Variants in LYZL2 observed in about 807,000 individuals in gnomAD.
LYZL2 encodes lysozyme-like protein 2.
In LYZL2, 13 loss-of-function variants were observed where a neutral mutation model predicts 17.1. The ratio of observed to expected loss-of-function variants is 0.76; its 90% confidence interval spans 0.49 to 1.21. LYZL2 has a LOEUF of 1.21. Among genes scored for constraint, LYZL2 ranks in the 50% most tolerant of loss-of-function variants. LYZL2 has a pLI of 0.00. For missense variants in LYZL2, 166 were observed against 189.2 expected (o/e 0.88, Z 0.72); for synonymous variants, 63 against 74.4 (o/e 0.85, Z 0.79).
downstream of LYZL2, among the ~76,000 whole-genome samples, chr10:30,608,957 A>G (rs1216133855): frequency 6.6e-6 from 1 of 152,052 alleles, no homozygotes; most frequent in Non-Finnish European, 1.5e-5. Context: ...CTCCCACCTC[A>G]ACCTCCTGAG....
At chr10:30,615,887 GA>G (rs35234112) in intron 3 of LYZL2, among the ~76,000 whole-genome samples, 1 of 150,992 alleles carries the variant, frequency 6.6e-6, no homozygotes, top group African/African-American at 2.4e-5. Context: ...CACTGGTTTA[GA>G]AAAAAAAAGA....
chr10:30,620,320 C>T (rs1217750604), intron 3 of LYZL2, among the ~76,000 whole-genome samples: 1 of 152,198 alleles, frequency 6.6e-6, no homozygotes, highest in Non-Finnish European at 1.5e-5. Flanking sequence ...CCTCTTCCCA[C>T]CCGCTTATGA....
At chr10:30,613,869 C>T (rs1424579359) in intron 3 of LYZL2, among the ~76,000 whole-genome samples, 1 of 152,136 alleles carries the variant, frequency 6.6e-6, no homozygotes, top group Non-Finnish European at 1.5e-5. Flanking sequence ...GTATGCACCA[C>T]CACGCCTGAC....
intron 3 of LYZL2, among the ~76,000 whole-genome samples, chr10:30,623,369 A>G (rs1838654895): frequency 6.6e-6 from 1 of 152,156 alleles, no homozygotes. Flanking sequence ...TTAAAGAAAT[A>G]TTAAAGGTTT....
intron 3 of LYZL2, among the ~76,000 whole-genome samples, chr10:30,616,995 C>A (rs936191794): frequency 6.6e-6 from 1 of 152,124 alleles, no homozygotes; most frequent in Admixed American, 6.5e-5. Context: ...TACTTAGAGA[C>A]CCTTTATTTC....
At chr10:30,617,115 C>T (rs1838541040) in intron 3 of LYZL2, among the ~76,000 whole-genome samples, 1 of 151,966 alleles carries the variant, frequency 6.6e-6, no homozygotes, top group South Asian at 2.1e-4. Context: ...GTTGGAGAGA[C>T]ACAGTGAGGA....
chr10:30,610,873 C>A (rs1469243890), downstream of LYZL2, among the ~76,000 whole-genome samples: 1 of 152,156 alleles, frequency 6.6e-6, no homozygotes, highest in Non-Finnish European at 1.5e-5. Context: ...GAATTTTAAT[C>A]ATCAAACCAT....
the LYZL2 span, among the ~76,000 whole-genome samples, chr10:30,606,661 CT>C: frequency 6.6e-6 from 1 of 152,174 alleles, no homozygotes; most frequent in African/African-American, 2.4e-5. Context: ...AGTGTCTTGT[CT>C]GTACTCACGG....
At chr10:30,622,928 CAGAT>C (rs1838647896) in intron 3 of LYZL2, among the ~76,000 whole-genome samples, 1 of 152,116 alleles carries the variant, frequency 6.6e-6, no homozygotes, top group Non-Finnish European at 1.5e-5. Context: ...AATATAAAGA[CAGAT>C]GGATTAAAAG....
At chr10:30,608,670 G>A (rs980940181), downstream of LYZL2, among the ~76,000 whole-genome samples, 1 of 152,182 alleles carries the variant, frequency 6.6e-6, no homozygotes, top group Non-Finnish European at 1.5e-5. Context: ...GATGTGTGTG[G>A]AATGAAGGTT....
chr10:30,608,218 C>T (rs1838396818), downstream of LYZL2, among the ~76,000 whole-genome samples: 1 of 152,236 alleles, frequency 6.6e-6, no homozygotes, highest in African/African-American at 2.4e-5. Context: ...GCTGGGGTTA[C>T]AGGCATGAGC....
At chr10:30,624,334 T>A (rs541563764) in intron 3 of LYZL2, among the ~76,000 whole-genome samples, 13 of 152,326 alleles carry the variant, frequency 8.5e-5, no homozygotes, top group African/African-American at 2.6e-4. Flanking sequence ...ATCTTCCAGC[T>A]TTATTTCTGT....
intron 3 of LYZL2, among the ~76,000 whole-genome samples, chr10:30,616,831 T>C (rs1390828224): frequency 6.9e-6 from 1 of 144,998 alleles, no homozygotes; most frequent in Non-Finnish European, 1.5e-5. Context: ...TTCCTGCTCA[T>C]GGAACACTAT....
At chr10:30,616,678 C>T (rs1838532765) in intron 3 of LYZL2, among the ~76,000 whole-genome samples, 1 of 152,184 alleles carries the variant, frequency 6.6e-6, no homozygotes, top group South Asian at 2.1e-4. Flanking sequence ...TCCATCAGTC[C>T]TCAGAACAAC....
intron 3 of LYZL2, among the ~76,000 whole-genome samples, chr10:30,613,224 C>T (rs537994196): frequency 6.6e-5 from 10 of 152,250 alleles, no homozygotes; most frequent in Non-Finnish European, 1.0e-4. Flanking sequence ...ACAGGCCGGG[C>T]GTGGTGGCTG....
chr10:30,618,197 C>T (rs935407660), intron 3 of LYZL2, among the ~76,000 whole-genome samples: 16 of 152,130 alleles, frequency 1.1e-4, no homozygotes, highest in Non-Finnish European at 1.8e-4. Context: ...AATGGAAGAA[C>T]ATTCCATGTT....
At chr10:30,629,203 G>A (rs1838767118) in intron 1 of LYZL2, among the ~76,000 whole-genome samples, 1 of 152,154 alleles carries the variant, frequency 6.6e-6, no homozygotes, top group East Asian at 1.9e-4. Flanking sequence ...GACCAGCCTG[G>A]GCAACAAAGG....
chr10:30,608,828 T>C (rs1838402073), downstream of LYZL2, among the ~76,000 whole-genome samples: 1 of 152,144 alleles, frequency 6.6e-6, no homozygotes. Flanking sequence ...AAAAAACCCA[T>C]CAAATTTTTT....
rs142857395 is a variant in LYZL2 at position 30,619,174 on chromosome 10, A to G, written c.299-6274T>C. ...ATGGCCATTATTAAAAAGTCAGGAA[A>G]CAACAGGTGCTAGAGAGGATGTGGA... On this transcript the variant is annotated intron_variant, in intron 3 of 4. Transcript: ENST00000647634. Among the ~76,000 whole-genome samples, 270 of 152,332 alleles carry G rather than the reference A, an allele frequency of 1.8e-3. 2 individuals carry two copies. The highest frequency in any genetic ancestry group is 6.1e-3 in the African/African-American group (254 of 41,574).
Sources: allele counts gnomAD v4.1 joint callset (sites outside exome capture counted in the v4.1 genomes callset), GRCh38; gene constraint gnomAD v4.1.1; transcripts MANE v1.5; gene names NCBI Gene and HGNC (gene_info 2026-07-23, HGNC 2026-07-21).